ANO4: variants seen among roughly 807,000 people sequenced by gnomAD.
The protein encoded by ANO4 is anoctamin 4.
In ANO4, 69 loss-of-function variants were observed where a neutral mutation model predicts 141.9. That is an observed-to-expected ratio of 0.49 (90% confidence interval 0.40 to 0.59). The LOEUF (loss-of-function observed/expected upper bound fraction) is 0.59, where lower values mean the gene tolerates loss of function less well. ANO4 is among the 20% of genes least tolerant of loss of function. The pLI is 0.00. For missense variants in ANO4, 894 were observed against 1,162.2 expected, an observed-to-expected ratio of 0.77 and a Z score of 3.36; for synonymous variants, 350 against 394.3, an observed-to-expected ratio of 0.89 and a Z score of 1.33.
intron 1 of ANO4, among the ~76,000 whole-genome samples, chr12:100,892,527 T>A (rs1184851268): frequency 6.6e-6 from 1 of 152,214 alleles, no homozygotes; most frequent in African/African-American, 2.4e-5. Flanking sequence ...TGAGTTTAGT[T>A]ACCTGTAGTC....
intron 26 of ANO4, among the ~76,000 whole-genome samples, chr12:101,123,473 A>T (rs1157764906): frequency 1.5e-5 from 1 of 64,980 alleles, no homozygotes; most frequent in Non-Finnish European, 3.2e-5. Flanking sequence ...CCCTTCCCCC[A>T]CCCCCACCCC....
At chr12:100,944,226 T>C (rs898900111) in intron 5 of ANO4, among the ~76,000 whole-genome samples, 1 of 152,202 alleles carries the variant, frequency 6.6e-6, no homozygotes, top group Non-Finnish European at 1.5e-5. Flanking sequence ...GCATCACCTG[T>C]ACTGCAGTGT....
At chr12:100,801,057 G>A (rs2034651877) in intron 1 of ANO4, among the ~76,000 whole-genome samples, 1 of 151,470 alleles carries the variant, frequency 6.6e-6, no homozygotes, top group African/African-American at 2.4e-5. Flanking sequence ...CTGTTGTTCT[G>A]TATCCCTCAG....
chr12:101,097,717 T>C lies in ANO4; in HGVS notation c.1908+9T>C. On this transcript the variant is annotated intron_variant, in intron 20 of 27. Transcript: ENST00000392977. ...GGTGGAGACTAGAAGAGGTCTGTAT[T>C]CTCCCATCATTCCTTGTTTCCGACA... 1 of 1,613,584 alleles carries C rather than the reference T, an allele frequency of 6.2e-7. No individual in the cohort carries two copies. Among genetic ancestry groups the C allele is most frequent in the South Asian group, 1.1e-5 (1 of 91,078 alleles).
intron 3 of ANO4, among the ~76,000 whole-genome samples, chr12:100,747,246 T>C (rs575448285): frequency 2.6e-5 from 4 of 152,304 alleles, no homozygotes; most frequent in African/African-American, 9.6e-5. Context: ...TCATGGGTTT[T>C]AATGCATTTG....
intron 2 of ANO4, among the ~76,000 whole-genome samples, chr12:100,909,203 A>G (rs559191985): frequency 6.6e-6 from 1 of 152,358 alleles, no homozygotes; most frequent in Admixed American, 6.5e-5. Context: ...AATATCTTCT[A>G]TTTGACTATC....
intron 1 of ANO4, among the ~76,000 whole-genome samples, chr12:100,804,086 A>G (rs1056966713): frequency 1.1e-4 from 16 of 152,168 alleles, no homozygotes; most frequent in African/African-American, 3.6e-4. Context: ...TCCATTAGCT[A>G]TTCTTCCTGA....
At chr12:101,043,684 T>A in intron 13 of ANO4, 49 bp downstream of exon 13, 18 of 1,317,402 alleles carry the variant, frequency 1.4e-5, no homozygotes, top group Non-Finnish European at 1.9e-5. Context: ...AACATACACC[T>A]TCCTGAGGGA....
At chr12:100,806,989 G>T (rs568971694) in intron 1 of ANO4, among the ~76,000 whole-genome samples, 57 of 151,946 alleles carry the variant, frequency 3.8e-4, no homozygotes, top group East Asian at 3.5e-3. Context: ...TGTTTCTTTT[G>T]TACTTTCTGG....
chr12:100,870,602 C>A (rs779292547), intron 1 of ANO4, among the ~76,000 whole-genome samples: 30 of 151,964 alleles, frequency 2.0e-4, no homozygotes, highest in Non-Finnish European at 4.0e-4. Context: ...ATCCCTTATC[C>A]TGTGGGTCAC....
chr12:100,770,786 T>A (rs1455074709), intron 3 of ANO4, among the ~76,000 whole-genome samples: 1 of 85,472 alleles, frequency 1.2e-5, no homozygotes, highest in Non-Finnish European at 2.7e-5. Context: ...CTTGAATTTT[T>A]TTTTTTTTTT....
chr12:100,786,353 T>G (rs2033872903), intron 3 of ANO4, among the ~76,000 whole-genome samples: 2 of 151,944 alleles, frequency 1.3e-5, no homozygotes, highest in East Asian at 1.9e-4. Context: ...TAGGAAAAGG[T>G]GGGGGGGAAT....
In ANO4 at chr12:100,860,929, G is replaced by A. The variant is rs1476194525; in HGVS notation, c.-140-40717G>A. 5.3e-5 allele frequency among the ~76,000 whole-genome samples: 8 copies of A among 152,208 alleles called. 1 individual carries two copies. The Middle Eastern group carries it at 0.017, about 324-fold the overall frequency. Reference sequence around the variant, plus strand: ...TTCAAGAATGGGGCCGCGGACCTTCGCGGTGAGTGTTACAGCTCTTAAAGA... The same window carrying A: ...TTCAAGAATGGGGCCGCGGACCTTCACGGTGAGTGTTACAGCTCTTAAAGA... On this transcript the variant is annotated intron_variant, in intron 1 of 27. Transcript: ENST00000392977.
At chr12:100,825,021 A>G (rs1593437164) in intron 1 of ANO4, among the ~76,000 whole-genome samples, 1 of 152,040 alleles carries the variant, frequency 6.6e-6, no homozygotes, top group South Asian at 2.1e-4. Context: ...ACTTTTTGTT[A>G]TAAAATGGTG....
At chr12:100,879,821 G>A (rs1364218248) in intron 1 of ANO4, among the ~76,000 whole-genome samples, 1 of 152,128 alleles carries the variant, frequency 6.6e-6, no homozygotes, top group Non-Finnish European at 1.5e-5. Context: ...TTCCAGAGGA[G>A]TAGTTTTATT....
chr12:100,964,523 C>G (rs1312508523), intron 5 of ANO4, among the ~76,000 whole-genome samples: 3 of 152,106 alleles, frequency 2.0e-5, no homozygotes, highest in Non-Finnish European at 4.4e-5. Context: ...AATATCTCCT[C>G]CTAGCCCCAG....
At chr12:101,127,153 C>T in intron 27 of ANO4, 79 bp downstream of exon 27, 1 of 1,348,824 alleles carries the variant, frequency 7.4e-7, no homozygotes. Context: ...GCAAAGCTTA[C>T]CATTGTTGCA....
At chr12:100,987,725 G>T in intron 8 of ANO4, 55 bp downstream of exon 8, 7 of 1,596,080 alleles carry the variant, frequency 4.4e-6, no homozygotes, top group Non-Finnish European at 6.0e-6. Context: ...CTGTGGTAGA[G>T]CCTCACCCTG....
chr12:101,036,780 G>A (rs1335310676), intron 9 of ANO4, among the ~76,000 whole-genome samples: 1 of 152,206 alleles, frequency 6.6e-6, no homozygotes, highest in African/African-American at 2.4e-5. Flanking sequence ...TACAGCATGG[G>A]TGGAGATAGA....
Sources: allele counts gnomAD v4.1 joint callset (sites outside exome capture counted in the v4.1 genomes callset), GRCh38; gene constraint gnomAD v4.1.1; transcripts MANE v1.5; gene names NCBI Gene and HGNC (gene_info 2026-07-23, HGNC 2026-07-21).